Variants in CRACR2A observed in about 807,000 individuals in gnomAD.
The protein encoded by CRACR2A is EF-hand calcium-binding domain-containing protein 4B.
A neutral mutation model predicts 90.5 loss-of-function variants in CRACR2A; 79 were observed. The observed-to-expected ratio is 0.87, with a 90% CI of 0.73 to 1.05. The LOEUF is 1.05. Ranked by LOEUF, CRACR2A falls within the 50% of genes least tolerant of loss-of-function variation. The pLI is 0.00. For missense variants in CRACR2A, 823 were observed against 897.2 expected, an observed-to-expected ratio of 0.92 and a Z score of 1.06; for synonymous variants, 338 against 356.7, an observed-to-expected ratio of 0.95 and a Z score of 0.59.
chr12:3,617,692 C>T (rs774570928), intron 18 of CRACR2A, among the ~76,000 whole-genome samples: 1 of 152,242 alleles, frequency 6.6e-6, no homozygotes, highest in Non-Finnish European at 1.5e-5. Flanking sequence ...TAAGGCTCAT[C>T]ATATTCCATT....
At chr12:3,683,580 C>T (rs1382029206) in intron 4 of CRACR2A, among the ~76,000 whole-genome samples, 6 of 152,204 alleles carry the variant, frequency 3.9e-5, no homozygotes, top group African/African-American at 1.4e-4. Context: ...TTTGCACCTC[C>T]CCAGGTTAGG....
At position 3,697,140 on chromosome 12, in the gene CRACR2A, GT is replaced by G; in HGVS notation, c.-36-106del. The G allele has an allele frequency of 9.6e-6, 13 of 1,354,878 alleles. No individual in the cohort carries two copies. In the South Asian group the frequency reaches 2.0e-4, roughly 21 times the overall value. The allele number at this position is 1,354,878 out of a possible 1,614,324, so 83.9% of individuals were successfully genotyped here. ...GAAGCACAGAGCCATACACCAGTGT[GT>G]CCAGGAATCTCTTAGCAACTACCTC... is the stretch of plus-strand genomic sequence containing the variant. On this transcript the variant is annotated intron_variant, in intron 3 of 19. Transcript: ENST00000440314.
At chr12:3,631,447 A>G (rs953749052) in intron 15 of CRACR2A, among the ~76,000 whole-genome samples, 1 of 151,916 alleles carries the variant, frequency 6.6e-6, no homozygotes, top group Non-Finnish European at 1.5e-5. Flanking sequence ...CCTCCCCCAG[A>G]CCTGTGCCAG....
chr12:3,674,799 A>T (rs2137585407), intron 6 of CRACR2A, among the ~76,000 whole-genome samples: 1 of 152,346 alleles, frequency 6.6e-6, no homozygotes, highest in African/African-American at 2.4e-5. Context: ...AAGATGTAAT[A>T]ACTAGCTCAG....
chr12:3,693,897 C>T (rs906189166), intron 4 of CRACR2A, among the ~76,000 whole-genome samples: 3 of 152,198 alleles, frequency 2.0e-5, no homozygotes, highest in East Asian at 1.9e-4. Context: ...GCTGGCGTGG[C>T]GCCTCTACTT....
At position 3,619,354 on chromosome 12, in the gene CRACR2A, C is replaced by A; in HGVS notation, c.1951G>T (p.Val651Leu). The change falls in exon 18 of 20, where the codon GTG becomes TTG. Residue 651 changes from valine (V) to leucine (L), a missense_variant. By Grantham distance (32) the Val-to-Leu change is conservative (BLOSUM62 1). Transcript: ENST00000440314. ...TTATTACCCAGCAGAAGAACAGGCA[C>A]CCGGTCTCCCACAGCTTCCTGCAGA... ...SSVEEAVGDR[V>L]PVLLLGNKLD... 1.3e-6 allele frequency: 2 copies of A among 1,551,686 alleles called. No homozygotes were observed. The highest frequency in any genetic ancestry group is 1.7e-6 in the Non-Finnish European group (2 of 1,146,986).
chr12:3,616,848 AG>A (rs1201653734), intron 19 of CRACR2A, 105 bp downstream of exon 19: 9 of 847,778 alleles, frequency 1.1e-5, no homozygotes, highest in African/African-American at 8.4e-5. Context: ...ATAGGGAGGA[AG>A]GGGGGTCAGA....
intron 7 of CRACR2A, among the ~76,000 whole-genome samples, chr12:3,664,773 A>G (rs996515924): frequency 3.9e-5 from 6 of 152,200 alleles, no homozygotes; most frequent in Non-Finnish European, 8.8e-5. Context: ...TTGAGAGGCC[A>G]AGGTGGGCAG....
chr12:3,677,557 G>A (rs1225339639), intron 6 of CRACR2A, among the ~76,000 whole-genome samples: 1 of 152,194 alleles, frequency 6.6e-6, no homozygotes, highest in Non-Finnish European at 1.5e-5. Context: ...CCGTTACGGT[G>A]CCTCAGCTCA....
chr12:3,744,231 A>T (rs1946574733), intron 1 of CRACR2A, among the ~76,000 whole-genome samples: 1 of 152,224 alleles, frequency 6.6e-6, no homozygotes, highest in South Asian at 2.1e-4. Flanking sequence ...GCTTAATTTA[A>T]CAGTTTGGTA....
intron 13 of CRACR2A, 72 bp downstream of exon 13, chr12:3,641,660 G>C: frequency 7.2e-7 from 1 of 1,383,286 alleles, no homozygotes; most frequent in South Asian, 1.3e-5. Flanking sequence ...AGCAGGCACT[G>C]AGTATGGGCC....
chr12:3,659,789 GC>G, intron 7 of CRACR2A, 135 bp from the exon 8 acceptor site: 1 of 681,998 alleles, frequency 1.5e-6, no homozygotes, highest in Non-Finnish European at 2.6e-6. Context: ...GTCAGCCAAC[GC>G]TATAAGATCA....
At chr12:3,650,186 G>A (rs1944769741) in intron 10 of CRACR2A, among the ~76,000 whole-genome samples, 1 of 152,102 alleles carries the variant, frequency 6.6e-6, no homozygotes. Flanking sequence ...CACTGGGCTG[G>A]GCAAGGACCC....
Position 3,699,869 on chromosome 12 carries a change from AT to A in CRACR2A, c.-36-2835del, listed in dbSNP as rs1047806172. Among the ~76,000 whole-genome samples the A allele has an allele frequency of 6.7e-4, 102 of 152,322 alleles. 1 individual carries two copies. The highest frequency in any genetic ancestry group is 2.3e-3 in the African/African-American group (97 of 41,584). ...AGTCTTCAGAGGAGGGCCTGCAAGC[AT>A]TTTTATTTCAGGCAGGTAGCTCTAT... On this transcript the variant is annotated intron_variant, in intron 3 of 19. Transcript: ENST00000440314.
At chr12:3,638,659 C>A (rs559726608) in intron 13 of CRACR2A, among the ~76,000 whole-genome samples, 104 of 152,302 alleles carry the variant, frequency 6.8e-4, no homozygotes, top group African/African-American at 2.5e-3. Flanking sequence ...GCTGCCACTG[C>A]TGTGGCAGAT....
Position 3,688,592 on chromosome 12 carries a change from C to T in CRACR2A, c.228+8180G>A, listed in dbSNP as rs187826117. 2.8e-3 allele frequency among the ~76,000 whole-genome samples: 420 copies of T among 152,306 alleles called. 1 individual carries two copies. Among genetic ancestry groups the T allele is most frequent in the African/African-American group, 9.7e-3 (404 of 41,558 alleles). On this transcript the variant is annotated intron_variant, in intron 4 of 19. Coordinates refer to ENST00000440314, the MANE Select transcript of CRACR2A (RefSeq NM_001144958.2). ...TACCATGCTGTTTTGGTTACTATAG[C>T]CCTGTCGTATAGTTTGAAGTTGGGT...
intron 1 of CRACR2A, among the ~76,000 whole-genome samples, chr12:3,735,094 T>C (rs1343999512): frequency 6.6e-6 from 1 of 152,226 alleles, no homozygotes; most frequent in Non-Finnish European, 1.5e-5. Context: ...ATTTTCTCTT[T>C]GAATTCTATG....
At chr12:3,673,043 C>A (rs1270807972) in intron 7 of CRACR2A, among the ~76,000 whole-genome samples, 1 of 152,174 alleles carries the variant, frequency 6.6e-6, no homozygotes, top group African/African-American at 2.4e-5. Context: ...TGGTCACAGG[C>A]ACCTGGCTAG....
chr12:3,687,951 T>C (rs1343483897), intron 4 of CRACR2A, among the ~76,000 whole-genome samples: 2 of 152,064 alleles, frequency 1.3e-5, no homozygotes, highest in Non-Finnish European at 2.9e-5. Flanking sequence ...AGTGATGACC[T>C]TTTTTTCATA....
Sources: allele counts gnomAD v4.1 joint callset (sites outside exome capture counted in the v4.1 genomes callset), GRCh38; gene constraint gnomAD v4.1.1; transcripts MANE v1.5; gene names NCBI Gene and HGNC (gene_info 2026-07-23, HGNC 2026-07-21).